The following KIRREL3 variants were observed in gnomAD, a reference collection of about 807,000 sequenced individuals.
The protein encoded by KIRREL3 is kin of IRRE-like protein 3.
Under a neutral mutation model 89.7 loss-of-function variants are expected in KIRREL3, and 36 were observed. The ratio of observed to expected loss-of-function variants is 0.40; its 90% CI spans 0.31 to 0.53. The LOEUF (loss-of-function observed/expected upper bound fraction) is 0.53. Ranked by LOEUF, KIRREL3 falls within the 20% of genes least tolerant of loss-of-function variation. The probability of loss-of-function intolerance (pLI) is 0.49; values close to 1 mark genes in which losing one functional copy is unlikely to be tolerated. For synonymous variants in KIRREL3, 445 were observed against 441.4 expected (o/e 1.01, Z -0.10); for missense variants, 864 against 1,056.6 (o/e 0.82, Z 2.53).
chr11:126,885,858 T>C (rs1003896027), intron 1 of KIRREL3, among the ~76,000 whole-genome samples: 1 of 152,214 alleles, frequency 6.6e-6, no homozygotes, highest in African/African-American at 2.4e-5. Context: ...AAATGTTTCA[T>C]CTAAAAAAGT....
intron 2 of KIRREL3, among the ~76,000 whole-genome samples, chr11:126,554,758 G>T (rs907321623): frequency 6.6e-6 from 1 of 152,140 alleles, no homozygotes; most frequent in Non-Finnish European, 1.5e-5. Context: ...TGGAACTGCA[G>T]CCCTTAGTGA....
intron 1 of KIRREL3, among the ~76,000 whole-genome samples, chr11:126,822,683 G>T (rs1943268196): frequency 1.3e-5 from 2 of 152,126 alleles, no homozygotes; most frequent in Non-Finnish European, 2.9e-5. Flanking sequence ...GCTCCATGTG[G>T]CATCCACTAA....
Position 126,462,761 on chromosome 11 carries a change from C to A in KIRREL3, c.742+396G>T, listed in dbSNP as rs1956588873. 6.6e-6 allele frequency among the ~76,000 whole-genome samples: 1 copy of A among 152,166 alleles called. No individual in the cohort carries two copies. Among genetic ancestry groups the A allele is most frequent in the Non-Finnish European group, 1.5e-5 (1 of 68,034 alleles). On this transcript the variant is annotated intron_variant, in intron 6 of 16. Transcript: ENST00000525144. This position sits in a 1 kb window ranked among gnomAD's most constrained non-coding sequence, Gnocchi z 4.8. ...CTTCCATGAGAGTGGCTGGTGCACC[C>A]TCTCCAGAGCACAGCGCTGCTTGCC...
At chr11:126,937,557 C>G (rs1948245554) in intron 1 of KIRREL3, among the ~76,000 whole-genome samples, 1 of 152,146 alleles carries the variant, frequency 6.6e-6, no homozygotes, top group Non-Finnish European at 1.5e-5. Flanking sequence ...GATACTCGGT[C>G]TCTTCCTCTT....
chr11:126,488,331 A>G (rs1485495701), intron 4 of KIRREL3, among the ~76,000 whole-genome samples: 2 of 152,228 alleles, frequency 1.3e-5, no homozygotes, highest in South Asian at 2.1e-4. Context: ...AGAGCTGGGA[A>G]TGATCCCACA....
chr11:126,706,663 C>T (rs778293853), intron 1 of KIRREL3, among the ~76,000 whole-genome samples: 13 of 152,122 alleles, frequency 8.5e-5, no homozygotes, highest in Admixed American at 3.3e-4. Flanking sequence ...CTTTCATCTT[C>T]GGTTGTGTAA....
chr11:126,577,512 C>T (rs531848564), intron 1 of KIRREL3, among the ~76,000 whole-genome samples: 4 of 148,452 alleles, frequency 2.7e-5, no homozygotes, highest in African/African-American at 7.5e-5. Flanking sequence ...TTTGGGAGGC[C>T]GAGGCAGGTG....
At position 126,983,381 on chromosome 11, in the gene KIRREL3, G is replaced by A. The variant is rs570655856; in HGVS notation, c.55+17074C>T. 6.6e-6 allele frequency among the ~76,000 whole-genome samples: 1 copy of A among 152,254 alleles called. No homozygotes were observed. Among genetic ancestry groups the A allele is most frequent in the East Asian group, 1.9e-4 (1 of 5,178 alleles). The stretch of plus-strand genomic sequence containing the variant: ...TCTAACGTCTGCCTTTGGTTCTTGC[G>A]GTAGACAGAATAATGGCCGCCAAAG... On this transcript the variant is annotated intron_variant, in intron 1 of 16. Transcript: ENST00000525144. This position sits in a 1 kb window ranked among gnomAD's most constrained non-coding sequence, Gnocchi z 4.9.
intron 1 of KIRREL3, among the ~76,000 whole-genome samples, chr11:126,932,356 G>C (rs986765861): frequency 6.6e-6 from 1 of 152,126 alleles, no homozygotes; most frequent in Admixed American, 6.5e-5. Flanking sequence ...GAGGTTTTCG[G>C]CCCGCACAGA....
At chr11:126,815,965 C>G (rs925978237) in intron 1 of KIRREL3, among the ~76,000 whole-genome samples, 1 of 152,310 alleles carries the variant, frequency 6.6e-6, no homozygotes, top group Admixed American at 6.5e-5. Context: ...CTTACAGATC[C>G]AGAGCTGAGT....
chr11:126,559,031 G>T (rs554704844), intron 2 of KIRREL3, among the ~76,000 whole-genome samples: 1 of 152,278 alleles, frequency 6.6e-6, no homozygotes, highest in African/African-American at 2.4e-5. Flanking sequence ...GCTGGCAGTA[G>T]GTGGGGTGAG....
chr11:126,449,270 G>A (rs1955937641), intron 7 of KIRREL3, 113 bp from the exon 8 acceptor site: 1 of 1,194,740 alleles, frequency 8.4e-7, no homozygotes, highest in South Asian at 1.5e-5. Flanking sequence ...GGCAAGTGGG[G>A]AGTCCTCTGG....
At position 126,656,244 on chromosome 11, in the gene KIRREL3, A is replaced by G. The variant is rs1472419182; in HGVS notation, c.56-93332T>C. The G allele has an allele frequency of 1.4e-5, 6 of 443,092 alleles. No homozygotes were observed. The highest frequency in any genetic ancestry group is 2.7e-5 in the Non-Finnish European group (6 of 218,856). 27.4% of individuals were successfully genotyped at this position (443,092 alleles called of 1,614,324 possible). A position where few individuals can be genotyped will look rare whatever the true frequency, so the allele number is the denominator to read the frequency against. On this transcript the variant is annotated intron_variant, in intron 1 of 16. Coordinates refer to ENST00000525144, the MANE Select transcript of KIRREL3 (RefSeq NM_032531.4). The surrounding 1 kb of genome is among the most constrained non-coding windows in gnomAD (Gnocchi z 4.0). ...AAGATGCCTGTTGGTTCTGCCGTTC[A>G]TATCTGTGAGATATCAGGCTGGTTT...
intron 1 of KIRREL3, among the ~76,000 whole-genome samples, chr11:126,727,358 G>T (rs892779652): frequency 2.6e-5 from 4 of 152,224 alleles, no homozygotes; most frequent in African/African-American, 9.6e-5. Context: ...TTCCCCACCA[G>T]AAATGTCTTT....
chr11:126,674,061 G>T (rs1946078121), intron 1 of KIRREL3, among the ~76,000 whole-genome samples: 1 of 152,234 alleles, frequency 6.6e-6, no homozygotes, highest in African/African-American at 2.4e-5. Flanking sequence ...GAGAGCCAGA[G>T]GATGGCCAGG....
chr11:126,918,790 C>T lies in KIRREL3; in HGVS notation c.55+81665G>A, dbSNP rs568899204. ...GTAATCAATTGCAGGGTGTGCAAGGCCTTCCTGATGTCTGCATGTTATAAA... is the reference window on the plus strand; with the variant it reads ...GTAATCAATTGCAGGGTGTGCAAGGTCTTCCTGATGTCTGCATGTTATAAA... On this transcript the variant is annotated intron_variant, in intron 1 of 16. Transcript: ENST00000525144. The surrounding 1 kb of genome is among the most constrained non-coding windows in gnomAD (Gnocchi z 6.5). Among the ~76,000 whole-genome samples the T allele has an allele frequency of 1.9e-4, 29 of 152,252 alleles. No homozygotes were observed. The highest frequency in any genetic ancestry group is 7.0e-4 in the African/African-American group (29 of 41,546).
At chr11:126,759,015 C>T (rs1032185752) in intron 1 of KIRREL3, among the ~76,000 whole-genome samples, 2 of 152,150 alleles carry the variant, frequency 1.3e-5, no homozygotes, top group Non-Finnish European at 2.9e-5. Flanking sequence ...TTGTGTAAGC[C>T]AACGGTCTCC....
intron 4 of KIRREL3, among the ~76,000 whole-genome samples, chr11:126,502,707 A>T (rs1414276585): frequency 6.6e-6 from 1 of 152,234 alleles, no homozygotes; most frequent in Non-Finnish European, 1.5e-5. Flanking sequence ...TCCTAGTTTG[A>T]CACCTCTTGC....
intron 1 of KIRREL3, among the ~76,000 whole-genome samples, chr11:126,849,748 C>T (rs188911497): frequency 1.6e-4 from 25 of 152,174 alleles, no homozygotes; most frequent in Admixed American, 9.2e-4. Flanking sequence ...AAGGTGGAGA[C>T]GGTGTGAAAT....
Sources: gnomAD v4.1 joint callset for allele counts (sites outside exome capture counted in the v4.1 genomes callset) on GRCh38, gnomAD v4.1.1 for gene constraint, Gnocchi (gnomAD v3.1) non-coding constraint, MANE v1.5 for transcripts, NCBI Gene and HGNC (gene_info 2026-07-23, HGNC 2026-07-21) for gene names.